FPR3: variants seen among roughly 807,000 people sequenced by gnomAD.
The protein encoded by FPR3 is N-formyl peptide receptor 3.
For missense variants in FPR3, 346 were observed against 443.2 expected, an observed-to-expected ratio of 0.78 and a Z score of 1.97; for synonymous variants, 135 against 163.6, an observed-to-expected ratio of 0.83 and a Z score of 1.34.
intron 1 of FPR3, among the ~76,000 whole-genome samples, chr19:51,815,418 G>A (rs2084127954): frequency 6.6e-6 from 1 of 152,080 alleles, no homozygotes; most frequent in African/African-American, 2.4e-5. Context: ...AAATTAGCCA[G>A]GCATGGTGAT....
chr19:51,808,469 G>T (rs1395158682), intron 1 of FPR3, among the ~76,000 whole-genome samples: 1 of 152,184 alleles, frequency 6.6e-6, no homozygotes, highest in African/African-American at 2.4e-5. Context: ...AATGAATGAT[G>T]TAAGCAGTAG....
chr19:51,825,758 A>T lies in FPR3; in HGVS notation c.*948A>T, dbSNP rs2084228151. 1 of 167,114 alleles carries T rather than the reference A, an allele frequency of 6.0e-6. No individual in the cohort carries two copies. The highest frequency in any genetic ancestry group is 2.4e-5 in the African/African-American group (1 of 41,460). 10.4% of individuals were successfully genotyped at this position (167,114 alleles called of 1,614,324 possible). ...TGTGCCCCCTGATTTGAGGGTAAGA[A>T]GTAGATAATGAGGCCACTGTGGGTG... is the stretch of plus-strand genomic sequence containing the variant. On this transcript the variant is annotated 3_prime_UTR_variant, in exon 2 of 2. Coordinates refer to ENST00000339223, the MANE Select transcript of FPR3 (RefSeq NM_002030.5).
At chr19:51,797,985 G>A (rs766144044) in intron 1 of FPR3, among the ~76,000 whole-genome samples, 1 of 143,410 alleles carries the variant, frequency 7.0e-6, no homozygotes, top group South Asian at 2.2e-4. Context: ...GGGTTCAAGC[G>A]ATTCCCCCAC....
intron 1 of FPR3, among the ~76,000 whole-genome samples, chr19:51,805,629 T>C (rs1217011125): frequency 6.6e-6 from 1 of 152,184 alleles, no homozygotes; most frequent in East Asian, 1.9e-4. Context: ...AACCATGGAT[T>C]TCAACATTGC....
intron 1 of FPR3, chr19:51,803,985 T>C (rs1237445017): frequency 1.3e-5 from 2 of 152,146 alleles, no homozygotes; most frequent in African/African-American, 4.8e-5. Flanking sequence ...ACATAAAACG[T>C]TGGGGATCTC....
chr19:51,824,877 A>G lies in FPR3; in HGVS notation c.*67A>G. 1 of 1,289,924 alleles carries G rather than the reference A, an allele frequency of 7.8e-7. No homozygotes were observed. Among genetic ancestry groups the G allele is most frequent in the Admixed American group, 2.7e-5 (1 of 36,940 alleles). 79.9% of individuals were successfully genotyped at this position (1,289,924 alleles called of 1,614,324 possible). On this transcript the variant is annotated 3_prime_UTR_variant, in exon 2 of 2. Coordinates refer to ENST00000339223, the MANE Select transcript of FPR3 (RefSeq NM_002030.5). This position sits in a 1 kb window ranked among gnomAD's most constrained non-coding sequence, Gnocchi z 4.7. ...TTAAGCGGAAAAAAAAAATTCTGAC[A>G]GTGTTTTTCTTCCTCTTTCATACCA...
chr19:51,823,872 C>G lies in FPR3; in HGVS notation c.124C>G (p.Leu42Val). ...VHGVTFVFGVLGNGLVIWVAG... is the reference protein window; with the variant it reads ...VHGVTFVFGVVGNGLVIWVAG... ...CGGAGTCACCTTTGTCTTCGGGGTC[C>G]TGGGCAATGGGCTTGTGATCTGGGT... The change falls in exon 2 of 2, where the codon CTG (leucine) becomes GTG (valine). Residue 42 changes from leucine (L) to valine (V), a missense_variant. Transcript: ENST00000339223. 1 of 1,614,050 alleles carries G rather than the reference C, an allele frequency of 6.2e-7. No homozygotes were observed. Among genetic ancestry groups the G allele is most frequent in the East Asian group, 2.2e-5 (1 of 44,864 alleles).
At position 51,824,735 on chromosome 19, in the gene FPR3, T is replaced by C. The variant is rs1599842836; in HGVS notation, c.987T>C (p.Pro329=). 2.5e-6 allele frequency: 4 copies of C among 1,613,980 alleles called. No individual in the cohort carries two copies. The highest frequency in any genetic ancestry group is 3.4e-6 in the Non-Finnish European group (4 of 1,179,998). ...TGGAGAGGGCCCTGACTGAGGTCCCTGACTCAGCCCAGACCAGCAACACAG... is the reference window on the plus strand; with the variant it reads ...TGGAGAGGGCCCTGACTGAGGTCCCCGACTCAGCCCAGACCAGCAACACAG... ...TSLERALTEV[P]DSAQTSNTDT... The change falls in exon 2 of 2, where the codon CCT becomes CCC. Residue 329 remains proline (P), a synonymous_variant. Coordinates refer to ENST00000339223, the MANE Select transcript of FPR3 (RefSeq NM_002030.5). This position sits in a 1 kb window ranked among gnomAD's most constrained non-coding sequence, Gnocchi z 4.7.
At chr19:51,798,185 CTT>C (rs988359143) in intron 1 of FPR3, among the ~76,000 whole-genome samples, 6 of 151,984 alleles carry the variant, frequency 3.9e-5, no homozygotes, top group Admixed American at 1.3e-4. Flanking sequence ...GCCTGGTACT[CTT>C]TACACTGTTA....
At chr19:51,815,059 C>T (rs974157572) in intron 1 of FPR3, among the ~76,000 whole-genome samples, 1 of 152,166 alleles carries the variant, frequency 6.6e-6, no homozygotes, top group Non-Finnish European at 1.5e-5. Context: ...ATCCGCCCAC[C>T]TCGGCCTCCC....
At chr19:51,797,987 T>C (rs1004370796) in intron 1 of FPR3, among the ~76,000 whole-genome samples, 2 of 146,540 alleles carry the variant, frequency 1.4e-5, no homozygotes, top group East Asian at 4.2e-4. Context: ...GTTCAAGCGA[T>C]TCCCCCACCT....
chr19:51,796,426 G>A (rs1266842083), intron 1 of FPR3, among the ~76,000 whole-genome samples: 1 of 152,222 alleles, frequency 6.6e-6, no homozygotes, highest in Non-Finnish European at 1.5e-5. Context: ...GCCATCGGAA[G>A]GTATTGCGAA....
chr19:51,804,793 A>G (rs2084046842), intron 1 of FPR3: 1 of 152,254 alleles, frequency 6.6e-6, no homozygotes, highest in African/African-American at 2.4e-5. Context: ...CAGGAATAAA[A>G]GACAAGAGAC....
In FPR3 at chr19:51,824,431, T is replaced by C. The variant is rs1248936040; in HGVS notation, c.683T>C (p.Ile228Thr). 4 of 1,613,998 alleles carry C rather than the reference T, an allele frequency of 2.5e-6. No individual in the cohort carries two copies. The highest frequency in any genetic ancestry group is 3.4e-6 in the Non-Finnish European group (4 of 1,180,022). The change falls in exon 2 of 2, where the codon ATT (isoleucine) becomes ACT (threonine). Residue 228 changes from isoleucine (I) to threonine (T), a missense_variant. Physicochemically the swap from Ile to Thr is moderately conservative, Grantham distance 89 (BLOSUM62 -1). Coordinates refer to ENST00000339223, the MANE Select transcript of FPR3 (RefSeq NM_002030.5). The surrounding 1 kb of genome is among the most constrained non-coding windows in gnomAD (Gnocchi z 4.7). ...TGCTATGGGATCATCGCTGCCAAAA[T>C]TCACAGAAACCACATGATTAAATCC... ...TVCYGIIAAK[I>T]HRNHMIKSSR...
intron 1 of FPR3, among the ~76,000 whole-genome samples, chr19:51,821,182 T>A (rs939414399): frequency 6.6e-6 from 1 of 152,160 alleles, no homozygotes; most frequent in African/African-American, 2.4e-5. Flanking sequence ...ACCACAAAAC[T>A]GTCCTTGTTC....
intron 1 of FPR3, among the ~76,000 whole-genome samples, chr19:51,813,220 C>T (rs775798917): frequency 6.6e-6 from 1 of 151,760 alleles, no homozygotes; most frequent in Non-Finnish European, 1.5e-5. Flanking sequence ...AAGGTGCTAG[C>T]AGATGCAGTA....
chr19:51,812,036 G>T (rs934958745), intron 1 of FPR3, among the ~76,000 whole-genome samples: 17 of 152,146 alleles, frequency 1.1e-4, no homozygotes, highest in Non-Finnish European at 2.1e-4. Context: ...TTTAACTACA[G>T]CCTTGCCTAA....
chr19:51,814,868 G>C (rs1453434443), intron 1 of FPR3, among the ~76,000 whole-genome samples: 5 of 151,984 alleles, frequency 3.3e-5, no homozygotes, highest in Admixed American at 2.6e-4. Context: ...GGAGTGCAGT[G>C]GCGCCATCTC....
At chr19:51,809,235 TG>T (rs1349208580) in intron 1 of FPR3, among the ~76,000 whole-genome samples, 2 of 152,246 alleles carry the variant, frequency 1.3e-5, no homozygotes, top group African/African-American at 4.8e-5. Flanking sequence ...AGTACATGAC[TG>T]TCCATCTGGA....
Sources: allele counts gnomAD v4.1 joint callset (sites outside exome capture counted in the v4.1 genomes callset), GRCh38; gene constraint gnomAD v4.1.1; non-coding constraint Gnocchi (gnomAD v3.1); transcripts MANE v1.5; gene names NCBI Gene and HGNC (gene_info 2026-07-23, HGNC 2026-07-21).